Variants in RTN4RL1 observed in about 807,000 individuals in gnomAD.
RTN4RL1 encodes the protein reticulon 4 receptor like 1, also known as reticulon-4 receptor-like 1.
Under a neutral mutation model 25.6 loss-of-function variants are expected in RTN4RL1, and 7 were observed. The ratio of observed to expected loss-of-function variants is 0.27; its 90% CI spans 0.16 to 0.51. The LOEUF (loss-of-function observed/expected upper bound fraction) is 0.51. RTN4RL1 is among the 20% of genes least tolerant of loss of function. The pLI is 0.97. For missense variants in RTN4RL1, 500 were observed against 615.6 expected (o/e 0.81, Z 1.99); for synonymous variants, 297 against 288.2 (o/e 1.03, Z -0.31).
chr17:1,964,400 C>T (rs2151310970), intron 1 of RTN4RL1, among the ~76,000 whole-genome samples: 1 of 152,200 alleles, frequency 6.6e-6, no homozygotes, highest in Admixed American at 6.5e-5. Flanking sequence ...CCAGCCTGGG[C>T]AACATGGCAA....
At chr17:1,960,205 C>T (rs952012884) in intron 1 of RTN4RL1, among the ~76,000 whole-genome samples, 2 of 148,318 alleles carry the variant, frequency 1.3e-5, no homozygotes, top group East Asian at 2.0e-4. Flanking sequence ...CCACCCTACC[C>T]TGGGCCACTC....
intron 1 of RTN4RL1, chr17:2,020,732 A>G (rs1377231891): frequency 6.6e-6 from 1 of 152,270 alleles, no homozygotes; most frequent in African/African-American, 2.4e-5. Context: ...ATTATTAATT[A>G]GACTGCCACT....
rs898879946 is a variant in RTN4RL1 at position 1,998,736 on chromosome 17, A to G, written c.13+26117T>C. ...CCGCTCCCCTCACGGGCCTCGCAGC[A>G]CAGACGGGGACAGGGGCGGCCTCGC... On this transcript the variant is annotated intron_variant, in intron 1 of 1. Transcript: ENST00000331238. This position sits in a 1 kb window ranked among gnomAD's most constrained non-coding sequence, Gnocchi z 4.9. 7.0e-6 allele frequency among the ~76,000 whole-genome samples: 1 copy of G among 142,840 alleles called. No individual in the cohort carries two copies. Among genetic ancestry groups the G allele is most frequent in the Admixed American group, 6.9e-5 (1 of 14,560 alleles). The allele number at this position is 142,840 out of a possible 152,430, so 93.7% of individuals were successfully genotyped here.
At chr17:1,988,612 A>G (rs2066897324) in intron 1 of RTN4RL1, among the ~76,000 whole-genome samples, 1 of 151,896 alleles carries the variant, frequency 6.6e-6, no homozygotes, top group Admixed American at 6.6e-5. Flanking sequence ...CATCCCTAGC[A>G]CCCAGGAGTG....
intron 1 of RTN4RL1, among the ~76,000 whole-genome samples, chr17:1,946,327 G>T (rs1915536730): frequency 6.6e-6 from 1 of 152,228 alleles, no homozygotes; most frequent in South Asian, 2.1e-4. Context: ...CAGGCACAAG[G>T]CACGTGTCTT....
At chr17:1,961,815 G>GCT (rs1802110329) in intron 1 of RTN4RL1, among the ~76,000 whole-genome samples, 1 of 147,962 alleles carries the variant, frequency 6.8e-6, no homozygotes, top group Non-Finnish European at 1.5e-5. Context: ...GGGCGTGGTG[G>GCT]CATGTGCCTG....
At chr17:1,970,574 T>C (rs993975002) in intron 1 of RTN4RL1, among the ~76,000 whole-genome samples, 1 of 152,186 alleles carries the variant, frequency 6.6e-6, no homozygotes, top group African/African-American at 2.4e-5. Context: ...GGGCCATCTT[T>C]GGAGACTGGC....
At chr17:1,972,766 T>G (rs73976156) in intron 1 of RTN4RL1, among the ~76,000 whole-genome samples, 1 of 152,200 alleles carries the variant, frequency 6.6e-6, no homozygotes, top group African/African-American at 2.4e-5. Context: ...GGCACTGGCA[T>G]CAACGCTAAC....
At chr17:2,015,266 T>A (rs1335541026) in intron 1 of RTN4RL1, among the ~76,000 whole-genome samples, 1 of 152,028 alleles carries the variant, frequency 6.6e-6, no homozygotes, top group Non-Finnish European at 1.5e-5. Context: ...TGGTGCCAGA[T>A]GCCATGATGG....
At chr17:1,973,793 C>A (rs1441979534) in intron 1 of RTN4RL1, among the ~76,000 whole-genome samples, 1 of 152,012 alleles carries the variant, frequency 6.6e-6, no homozygotes, top group East Asian at 1.9e-4. Context: ...AATCCCAGCA[C>A]TTTGGGAGGC....
chr17:1,943,215 C>T (rs946945336), intron 1 of RTN4RL1, among the ~76,000 whole-genome samples: 1 of 152,268 alleles, frequency 6.6e-6, no homozygotes, highest in East Asian at 1.9e-4. Flanking sequence ...GGGTAAGGCA[C>T]CGGCCACGGC....
Position 1,979,826 on chromosome 17 carries a change from C to T in RTN4RL1, c.14-42018G>A, listed in dbSNP as rs192081976. Among the ~76,000 whole-genome samples, 125 of 152,336 alleles carry T rather than the reference C, an allele frequency of 8.2e-4. 1 individual carries two copies. Among genetic ancestry groups the T allele is most frequent in the Admixed American group, 1.8e-3 (27 of 15,302 alleles). ...CCCCACCCCTTCCCTCCTCCTCCCCCCTTGACTGCCGCTTACCGCTAGGCA... is the reference window on the plus strand; with the variant it reads ...CCCCACCCCTTCCCTCCTCCTCCCCTCTTGACTGCCGCTTACCGCTAGGCA... On this transcript the variant is annotated intron_variant, in intron 1 of 1. Coordinates refer to ENST00000331238, the MANE Select transcript of RTN4RL1 (RefSeq NM_178568.4).
intron 1 of RTN4RL1, among the ~76,000 whole-genome samples, chr17:2,013,920 C>T (rs146419995): frequency 4.7e-4 from 72 of 152,372 alleles, no homozygotes; most frequent in African/African-American, 1.6e-3. Flanking sequence ...CATCCCAAAG[C>T]TGTGCAGCAG....
chr17:1,938,261 A>G (rs1915356957), intron 1 of RTN4RL1, among the ~76,000 whole-genome samples: 1 of 152,154 alleles, frequency 6.6e-6, no homozygotes, highest in Non-Finnish European at 1.5e-5. Flanking sequence ...TATCTCATGC[A>G]GAGTCCTGAA....
At chr17:2,007,319 G>C (rs1258722875) in intron 1 of RTN4RL1, among the ~76,000 whole-genome samples, 1 of 130,858 alleles carries the variant, frequency 7.6e-6, no homozygotes, top group East Asian at 2.1e-4. Context: ...TGCAGACCTA[G>C]GCCATGTTCA....
At chr17:1,941,470 C>A (rs978159178) in intron 1 of RTN4RL1, among the ~76,000 whole-genome samples, 7 of 152,018 alleles carry the variant, frequency 4.6e-5, no homozygotes, top group African/African-American at 1.7e-4. Flanking sequence ...CTCACATTCC[C>A]GGTCTCAAGG....
chr17:2,007,572 C>T (rs919744938), intron 1 of RTN4RL1, among the ~76,000 whole-genome samples: 5 of 152,162 alleles, frequency 3.3e-5, no homozygotes, highest in African/African-American at 1.2e-4. Flanking sequence ...CAGATGCTGG[C>T]TGTGGCATGG....
intron 1 of RTN4RL1, among the ~76,000 whole-genome samples, chr17:2,005,739 TTC>T (rs61209329): frequency 0.13 from 18,867 of 145,122 alleles, 1,396 homozygotes; most frequent in Admixed American, 0.19. Flanking sequence ...CTCTCTCTCT[TTC>T]TCTCTCTCTC....
chr17:2,009,145 A>G (rs1476183662), intron 1 of RTN4RL1, among the ~76,000 whole-genome samples: 2 of 152,224 alleles, frequency 1.3e-5, no homozygotes, highest in Non-Finnish European at 2.9e-5. Context: ...ACTAAGTTCT[A>G]TGTTGTATGC....
Sources: allele counts gnomAD v4.1 joint callset (sites outside exome capture counted in the v4.1 genomes callset), GRCh38; gene constraint gnomAD v4.1.1; non-coding constraint Gnocchi (gnomAD v3.1); transcripts MANE v1.5; gene names NCBI Gene and HGNC (gene_info 2026-07-23, HGNC 2026-07-21).